The following SLC4A7 variants were observed in gnomAD, a reference collection of about 807,000 sequenced individuals.
The protein encoded by SLC4A7 is solute carrier family 4 member 7.
In SLC4A7, 51 loss-of-function variants were observed where a neutral mutation model predicts 137.6. The observed-to-expected ratio is 0.37, with a 90% confidence interval of 0.30 to 0.47. SLC4A7 has a LOEUF of 0.47. SLC4A7 is among the 20% of genes least tolerant of loss of function. The probability of loss-of-function intolerance (pLI) is 1.00; values close to 1 mark genes in which losing one functional copy is unlikely to be tolerated. For missense variants in SLC4A7, 1,247 were observed against 1,525.4 expected, an observed-to-expected ratio of 0.82 and a Z score of 3.04; for synonymous variants, 542 against 518.6, an observed-to-expected ratio of 1.05 and a Z score of -0.61.
intron 7 of SLC4A7, among the ~76,000 whole-genome samples, chr3:27,427,625 C>T (rs1031477995): frequency 6.6e-6 from 1 of 152,000 alleles, no homozygotes; most frequent in African/African-American, 2.4e-5. Flanking sequence ...GATGCTGAGG[C>T]CACTTTCTTC....
At chr3:27,432,826 G>A (rs2056422001) in intron 6 of SLC4A7, among the ~76,000 whole-genome samples, 1 of 151,998 alleles carries the variant, frequency 6.6e-6, no homozygotes, top group Non-Finnish European at 1.5e-5. Context: ...GGGTCCCTCT[G>A]GATAAATGAA....
intron 1 of SLC4A7, among the ~76,000 whole-genome samples, chr3:27,468,851 T>C (rs1401161987): frequency 2.6e-5 from 4 of 152,136 alleles, no homozygotes; most frequent in African/African-American, 9.7e-5. Flanking sequence ...CTCATGCATA[T>C]AATCCTAGCA....
rs1307376857 is a variant in SLC4A7 at position 27,437,372 on chromosome 3, G to C, written c.428+16C>G. ...ATCTCAAAAAAAAAAAAGAGAGAGAGACTTAGCAGTATTACCTAGCAGTTT... is the reference window on the plus strand; with the variant it reads ...ATCTCAAAAAAAAAAAAGAGAGAGACACTTAGCAGTATTACCTAGCAGTTT... On this transcript the variant is annotated intron_variant, in intron 4 of 25. Coordinates refer to ENST00000454389, the MANE Select transcript of SLC4A7 (RefSeq NM_001321103.2). 5 of 1,523,698 alleles carry C rather than the reference G, an allele frequency of 3.3e-6. No individual in the cohort carries two copies. The highest frequency in any genetic ancestry group is 1.3e-5 in the South Asian group (1 of 78,224). 94.4% of individuals were successfully genotyped at this position (1,523,698 alleles called of 1,614,324 possible). A position where few individuals can be genotyped will look rare whatever the true frequency, so the allele number is the denominator to read the frequency against.
rs147645679 is a variant in SLC4A7, at chr3:27,421,647, A to G, written c.1399T>C (p.Leu467=). ...CTGGTTGGAACAGGGACCTCAGTCAACCCTGTAAGGAGGACAGCAGGAGCC... is the reference window on the plus strand; with the variant it reads ...CTGGTTGGAACAGGGACCTCAGTCAGCCCTGTAAGGAGGACAGCAGGAGCC... ...RLAPAVLLTG[L]TEVPVPTRFL... Residue 467 remains leucine, a synonymous_variant, in exon 9 of 26, where the codon TTG becomes CTG. Transcript: ENST00000454389. The G allele has an allele frequency of 1.4e-5, 22 of 1,613,794 alleles. No individual in the cohort carries two copies. The highest frequency in any genetic ancestry group is 1.6e-4 in the Middle Eastern group (1 of 6,084).
intron 1 of SLC4A7, among the ~76,000 whole-genome samples, chr3:27,468,367 T>A (rs1211033518): frequency 6.6e-6 from 1 of 152,218 alleles, no homozygotes; most frequent in Non-Finnish European, 1.5e-5. Context: ...AAACTGTACA[T>A]AAACATATGC....
In SLC4A7 at chr3:27,404,862, T is replaced by C; in HGVS notation, c.2043A>G (p.Leu681=). 2.5e-6 allele frequency: 4 copies of C among 1,609,636 alleles called. No homozygotes were observed. The highest frequency in any genetic ancestry group is 3.4e-6 in the Non-Finnish European group (4 of 1,178,428). Residue 681 remains leucine, a synonymous_variant, in exon 14 of 26, where the codon CTA becomes CTG. Transcript: ENST00000454389. ...ATTTATATAAAATTTTTTCAAACAC[T>C]AGAACTGGACCTGTGCTCCCCAATA... ...LTILGSTGPV[L]VFEKILYKFC...
Position 27,404,810 on chromosome 3 carries a change from TAG to T in SLC4A7, c.2075+18_2075+19del, listed in dbSNP as rs764060909. The T allele has an allele frequency of 5.8e-6, 9 of 1,553,006 alleles. No individual in the cohort carries two copies. The highest frequency in any genetic ancestry group is 7.9e-6 in the Non-Finnish European group (9 of 1,140,400). ...TTTCATATATAACACATGTGATAAG[TAG>T]AGAGGGCTATTACTTACCTGCAGAA... is the stretch of plus-strand genomic sequence containing the variant. On this transcript the variant is annotated intron_variant, in intron 14 of 25. Transcript: ENST00000454389.
intron 13 of SLC4A7, among the ~76,000 whole-genome samples, chr3:27,406,567 A>C (rs1003855925): frequency 1.3e-5 from 2 of 152,226 alleles, no homozygotes; most frequent in African/African-American, 4.8e-5. Flanking sequence ...CTGCTAAGCC[A>C]TCATAAAATC....
chr3:27,452,700 GA>G (rs771403493), intron 1 of SLC4A7, among the ~76,000 whole-genome samples: 3 of 152,172 alleles, frequency 2.0e-5, no homozygotes, highest in East Asian at 3.8e-4. Context: ...ATCCCAGAGT[GA>G]GAAGTGAAAT....
At chr3:27,384,982 T>C (rs1159500109) in intron 23 of SLC4A7, among the ~76,000 whole-genome samples, 1 of 152,126 alleles carries the variant, frequency 6.6e-6, no homozygotes, top group Admixed American at 6.5e-5. Context: ...TTTACATATA[T>C]AACTCTGAAG....
At chr3:27,464,104 A>G (rs2058845025) in intron 1 of SLC4A7, among the ~76,000 whole-genome samples, 1 of 151,704 alleles carries the variant, frequency 6.6e-6, no homozygotes, top group Admixed American at 6.6e-5. Context: ...TGAACCCAGG[A>G]GGCGGAAGCT....
rs1553715679 is a variant in SLC4A7, at chr3:27,460,024, C to CATA, written c.61-7529_61-7527dup. Reference sequence around the variant, plus strand: ...ACACACACACACGTGTATATATACACATATATATATATAATTTTTTTTTTT... The same window carrying CATA: ...ACACACACACACGTGTATATATACACATAATATATATATATAATTTTTTTTTTT... On this transcript the variant is annotated intron_variant, in intron 1 of 25. Transcript: ENST00000454389. 1.2e-4 allele frequency among the ~76,000 whole-genome samples: 18 copies of CATA among 147,540 alleles called. No individual in the cohort carries two copies. The Admixed American group carries it at 1.2e-3, about 10-fold the overall frequency.
At position 27,398,346 on chromosome 3, in the gene SLC4A7, T is replaced by C. The variant is rs2052405945; in HGVS notation, c.2435A>G (p.Lys812Arg). Residue 812 changes from lysine to arginine, a missense_variant, in exon 17 of 26, where the codon AAA becomes AGA. Around this residue, in one of 6 missense-constraint regions of SLC4A7, gnomAD observed 499 missense variants for 664.2 expected, o/e 0.75. Transcript: ENST00000454389. ...SWRNLTVSEC[K>R]KLRGVFLGSA... Reference sequence around the variant, plus strand: ...CCCCAAGAATACACCACGAAGTTTTTTACATTCCTGGAAAAAAGGAGAAAG... The same window carrying C: ...CCCCAAGAATACACCACGAAGTTTTCTACATTCCTGGAAAAAAGGAGAAAG... The C allele has an allele frequency of 6.3e-6, 10 of 1,590,738 alleles. No homozygotes were observed. Among genetic ancestry groups the C allele is most frequent in the Non-Finnish European group, 6.0e-6 (7 of 1,171,666 alleles).
At chr3:27,387,858 T>A (rs1451607692) in intron 22 of SLC4A7, among the ~76,000 whole-genome samples, 1 of 152,130 alleles carries the variant, frequency 6.6e-6, no homozygotes, top group African/African-American at 2.4e-5. Flanking sequence ...CGCTGGAGGC[T>A]TCAGAAAGAG....
chr3:27,479,709 A>T (rs1464037271), intron 1 of SLC4A7, among the ~76,000 whole-genome samples: 2 of 152,228 alleles, frequency 1.3e-5, no homozygotes, highest in African/African-American at 4.8e-5. Context: ...AAATGAAAAT[A>T]GAGGTAAAAT....
At chr3:27,394,087 C>T (rs545840154) in intron 20 of SLC4A7, among the ~76,000 whole-genome samples, 42 of 152,250 alleles carry the variant, frequency 2.8e-4, no homozygotes, top group African/African-American at 7.0e-4. Flanking sequence ...GGCCCAATCA[C>T]GGCTCACTGC....
chr3:27,384,244 T>C (rs1183954826), intron 23 of SLC4A7, among the ~76,000 whole-genome samples: 5 of 152,144 alleles, frequency 3.3e-5, no homozygotes, highest in African/African-American at 9.7e-5. Flanking sequence ...AGTAGGATCA[T>C]GAGGTGCAAG....
At chr3:27,477,219 A>G (rs1486901748) in intron 1 of SLC4A7, among the ~76,000 whole-genome samples, 5 of 152,220 alleles carry the variant, frequency 3.3e-5, no homozygotes. Context: ...GAGAAATGTC[A>G]TGTTTCTTGC....
intron 15 of SLC4A7, among the ~76,000 whole-genome samples, chr3:27,401,997 T>C (rs10510595): frequency 0.058 from 8,805 of 152,244 alleles, 852 homozygotes; most frequent in African/African-American, 0.2. Context: ...ACCCTCTTTA[T>C]TCTGTCCGTC....
Sources: gnomAD v4.1 joint callset for allele counts (sites outside exome capture counted in the v4.1 genomes callset) on GRCh38, gnomAD v4.1.1 for gene constraint, gnomAD v4.1.1 regional missense constraint, MANE v1.5 for transcripts, NCBI Gene and HGNC (gene_info 2026-07-23, HGNC 2026-07-21) for gene names.